SHLD1: variants seen among roughly 807,000 people sequenced by gnomAD.
SHLD1 encodes RINN1-REV7-interacting novel NHEJ regulator 3.
Under a neutral mutation model 5.5 loss-of-function variants are expected in SHLD1, and 3 were observed. The observed-to-expected ratio is 0.54, with a 90% CI of 0.25 to 1.40. SHLD1 has a LOEUF of 1.40. Among genes scored for constraint, SHLD1 ranks in the 40% most tolerant of loss-of-function variants. The pLI, the probability that SHLD1 is intolerant of heterozygous loss-of-function variation, is 0.15. For synonymous variants in SHLD1, 92 were observed against 94.3 expected, an observed-to-expected ratio of 0.98 and a Z score of 0.14; for missense variants, 210 against 244.4, an observed-to-expected ratio of 0.86 and a Z score of 0.94.
chr20:5,775,923 ATT>A (rs533313849), intron 2 of SHLD1, among the ~76,000 whole-genome samples: 17 of 77,662 alleles, frequency 2.2e-4, no homozygotes, highest in Non-Finnish European at 2.6e-4. Context: ...TCAGCTCAGG[ATT>A]TTTTTTTTTT....
At chr20:5,792,863 C>T (rs1325350845) in intron 2 of SHLD1, among the ~76,000 whole-genome samples, 2 of 151,572 alleles carry the variant, frequency 1.3e-5, no homozygotes, top group Non-Finnish European at 2.9e-5. Context: ...TTAGTAGAGA[C>T]GGGGTTTCAT....
chr20:5,846,087 G>C (rs1432214277), intron 2 of SHLD1, among the ~76,000 whole-genome samples: 1 of 152,182 alleles, frequency 6.6e-6, no homozygotes, highest in East Asian at 1.9e-4. Context: ...ATCTATTACA[G>C]ATGTTACCTT....
rs1320223058 is a variant in SHLD1, at chr20:5,863,376, A to C, written c.531A>C (p.Thr177=). The part of the protein sequence containing the change: ...THFYPLEEGS[T]SLDDEKPNPG... ...TCTACCCACTGGAGGAAGGAAGTACATCTTTGGATGATGAAAAGCCAAACC... is the reference window on the plus strand; with the variant it reads ...TCTACCCACTGGAGGAAGGAAGTACCTCTTTGGATGATGAAAAGCCAAACC... Residue 177 remains threonine (T), a synonymous_variant, in exon 3 of 3, where the codon ACA becomes ACC. Transcript: ENST00000303142. 1.9e-6 allele frequency: 3 copies of C among 1,614,208 alleles called. No individual in the cohort carries two copies. Among genetic ancestry groups the C allele is most frequent in the South Asian group, 2.2e-5 (2 of 91,080 alleles).
chr20:5,757,071 C>CTTTTTTTTTTTTTTTTTT (rs753877287), intron 1 of SHLD1, among the ~76,000 whole-genome samples: 2 of 123,226 alleles, frequency 1.6e-5, no homozygotes, highest in Non-Finnish European at 3.4e-5. Flanking sequence ...TTCTTTCTTT[C>CTTTTTTTTTTTTTTTTTT]TTTTTTTTTT....
At chr20:5,824,633 T>C (rs2087645551) in intron 2 of SHLD1, among the ~76,000 whole-genome samples, 1 of 151,578 alleles carries the variant, frequency 6.6e-6, no homozygotes, top group South Asian at 2.1e-4. Context: ...TTGTTTTTTT[T>C]TTTTTTTTGG....
chr20:5,819,103 C>T (rs549153228), intron 2 of SHLD1, among the ~76,000 whole-genome samples: 1 of 152,208 alleles, frequency 6.6e-6, no homozygotes, highest in Non-Finnish European at 1.5e-5. Flanking sequence ...CTCAAGTGAT[C>T]TGCCCGCCTC....
intron 2 of SHLD1, among the ~76,000 whole-genome samples, chr20:5,840,337 T>A (rs1241027039): frequency 2.0e-5 from 3 of 152,184 alleles, no homozygotes; most frequent in Non-Finnish European, 2.9e-5. Context: ...TTTTTTCATC[T>A]GACAGAGAAT....
intron 2 of SHLD1, among the ~76,000 whole-genome samples, chr20:5,785,100 C>T (rs1159078202): frequency 2.6e-5 from 4 of 152,158 alleles, no homozygotes; most frequent in African/African-American, 9.7e-5. Flanking sequence ...AACTTGATTA[C>T]AATAGTCAAT....
chr20:5,773,157 C>T, intron 2 of SHLD1, 114 bp downstream of exon 2: 1 of 1,230,376 alleles, frequency 8.1e-7, no homozygotes, highest in Non-Finnish European at 1.2e-6. Flanking sequence ...GCTTCATTGT[C>T]TTAGGCAGAA....
At chr20:5,761,307 C>T (rs1431942817) in intron 1 of SHLD1, among the ~76,000 whole-genome samples, 1 of 151,754 alleles carries the variant, frequency 6.6e-6, no homozygotes, top group Non-Finnish European at 1.5e-5. Context: ...CTAATGCATG[C>T]AGGGCTTAAA....
At chr20:5,833,714 A>G (rs1026783119) in intron 2 of SHLD1, among the ~76,000 whole-genome samples, 1 of 151,870 alleles carries the variant, frequency 6.6e-6, no homozygotes, top group Admixed American at 6.6e-5. Context: ...AGAAACACAG[A>G]GAGAGAGAAA....
At chr20:5,796,528 A>G (rs1378563891) in intron 2 of SHLD1, among the ~76,000 whole-genome samples, 10 of 152,052 alleles carry the variant, frequency 6.6e-5, no homozygotes, top group Admixed American at 4.6e-4. Flanking sequence ...AGCGTGAGTT[A>G]GAAAGGGGGG....
At chr20:5,790,703 C>G (rs945426290) in intron 2 of SHLD1, among the ~76,000 whole-genome samples, 2 of 152,042 alleles carry the variant, frequency 1.3e-5, no homozygotes, top group Non-Finnish European at 2.9e-5. Context: ...ATCCACCCAC[C>G]TTGGCCTCCC....
At chr20:5,791,792 C>CA (rs796534448) in intron 2 of SHLD1, among the ~76,000 whole-genome samples, 9 of 150,858 alleles carry the variant, frequency 6.0e-5, no homozygotes, top group African/African-American at 1.5e-4. Flanking sequence ...ACTCGACTCT[C>CA]AAAAAAAAAT....
At chr20:5,777,985 T>A (rs988656251) in intron 2 of SHLD1, among the ~76,000 whole-genome samples, 13 of 152,166 alleles carry the variant, frequency 8.5e-5, no homozygotes, top group African/African-American at 3.1e-4. Flanking sequence ...TCTGTAGTAC[T>A]TTTATATGTT....
Position 5,821,976 on chromosome 20 carries a change from A to T in SHLD1, c.179-41048A>T, listed in dbSNP as rs144214148. On this transcript the variant is annotated intron_variant, in intron 2 of 2. Coordinates refer to ENST00000303142, the MANE Select transcript of SHLD1 (RefSeq NM_152504.4). ...GACAGTCATACAGACCAACCCTGGG[A>T]CCACATGCAAGGGGACCACCTGAGG... is the stretch of plus-strand genomic sequence containing the variant. Among the ~76,000 whole-genome samples, 32 of 152,224 alleles carry T rather than the reference A, an allele frequency of 2.1e-4. No homozygotes were observed. In the East Asian group the frequency reaches 6.0e-3, roughly 29 times the overall value.
At chr20:5,780,605 C>T (rs954869572) in intron 2 of SHLD1, among the ~76,000 whole-genome samples, 4 of 152,196 alleles carry the variant, frequency 2.6e-5, no homozygotes, top group African/African-American at 7.2e-5. Context: ...AACCCAGTTA[C>T]AAGAACATGG....
chr20:5,756,689 C>CTTTTTTTTTTTTTTTTTTT (rs35462391), intron 1 of SHLD1: 8 of 80,368 alleles, frequency 1.0e-4, no homozygotes, highest in African/African-American at 2.4e-4. Context: ...TTCTTTCTTT[C>CTTTTTTTTTTTTTTTTTTT]TTTTTTTTTT....
intron 2 of SHLD1, among the ~76,000 whole-genome samples, chr20:5,822,571 C>T (rs986652705): frequency 1.3e-5 from 2 of 152,218 alleles, no homozygotes; most frequent in African/African-American, 4.8e-5. Context: ...TAAGTCCCAG[C>T]AGTGAGACAA....
Sources: allele counts gnomAD v4.1 joint callset (sites outside exome capture counted in the v4.1 genomes callset), GRCh38; gene constraint gnomAD v4.1.1; transcripts MANE v1.5; gene names NCBI Gene and HGNC (gene_info 2026-07-23, HGNC 2026-07-21).